The following CEP43 variants were observed in gnomAD, a reference collection of about 807,000 sequenced individuals.
CEP43 encodes the protein centrosomal protein 43, also known as FGFR1 oncogene partner.
A neutral mutation model predicts 52.6 loss-of-function variants in CEP43; 36 were observed. The observed-to-expected ratio is 0.68, with a 90% CI of 0.52 to 0.90. The LOEUF is 0.90. CEP43 is among the 40% of genes least tolerant of loss of function. The pLI, the probability that CEP43 is intolerant of heterozygous loss-of-function variation, is 0.00. For missense variants in CEP43, 506 were observed against 472.8 expected (o/e 1.07, Z -0.65); for synonymous variants, 192 against 172.4 (o/e 1.11, Z -0.89).
Position 167,042,397 on chromosome 6 carries a change from G to T in CEP43, c.*2419G>T. On this transcript the variant is annotated 3_prime_UTR_variant, in exon 13 of 13. Transcript: ENST00000366847. ...ATTGATAACTACAAATGAATAAAAA[G>T]CATTTATTCTCTTTGTTGATATTCG... 2 of 965,444 alleles carry T rather than the reference G, an allele frequency of 2.1e-6. No individual in the cohort carries two copies. The highest frequency in any genetic ancestry group is 2.5e-6 in the Non-Finnish European group (2 of 806,880). 59.8% of individuals were successfully genotyped at this position (965,444 alleles called of 1,614,324 possible). A position where few individuals can be genotyped will look rare whatever the true frequency, so the allele number is the denominator to read the frequency against.
intron 5 of CEP43, among the ~76,000 whole-genome samples, chr6:167,007,689 A>G (rs555252697): frequency 1.4e-3 from 215 of 152,354 alleles, no homozygotes; most frequent in African/African-American, 4.9e-3. Flanking sequence ...AAAACTAGCT[A>G]TAGGTTAAGC....
At chr6:167,034,318 C>T (rs921763572) in intron 12 of CEP43, among the ~76,000 whole-genome samples, 2 of 152,140 alleles carry the variant, frequency 1.3e-5, no homozygotes, top group African/African-American at 4.8e-5. Flanking sequence ...ACTGTGATCA[C>T]AGGAGGAAGC....
chr6:167,010,265 GC>G (rs1213867691), intron 5 of CEP43, among the ~76,000 whole-genome samples: 3 of 152,206 alleles, frequency 2.0e-5, no homozygotes, highest in African/African-American at 7.2e-5. Context: ...AGGGCACTGG[GC>G]AGCAGACACA....
chr6:167,035,467 C>T (rs1780563444), intron 12 of CEP43, among the ~76,000 whole-genome samples: 2 of 152,046 alleles, frequency 1.3e-5, no homozygotes, highest in Admixed American at 1.3e-4. Context: ...AAGGAGATAG[C>T]CCAGTGGAAT....
chr6:167,041,190 G>A lies in CEP43; in HGVS notation c.*1212G>A, dbSNP rs1013536418. On this transcript the variant is annotated 3_prime_UTR_variant, in exon 13 of 13. Transcript: ENST00000366847. ...TTGATCTCGGTTAAGTGAGCAGACTGCATGACTTGTGTAATGCCAGTTTCT... is the reference window on the plus strand; with the variant it reads ...TTGATCTCGGTTAAGTGAGCAGACTACATGACTTGTGTAATGCCAGTTTCT... 4 of 1,047,556 alleles carry A rather than the reference G, an allele frequency of 3.8e-6. No homozygotes were observed. The African/African-American group carries it at 5.0e-5, about 13-fold the overall frequency. 64.9% of individuals were successfully genotyped at this position (1,047,556 alleles called of 1,614,324 possible).
intron 5 of CEP43, among the ~76,000 whole-genome samples, chr6:167,008,624 C>T (rs1779907721): frequency 6.6e-6 from 1 of 152,064 alleles, no homozygotes; most frequent in African/African-American, 2.4e-5. Context: ...GCCACCACCA[C>T]ACCCGGCTAA....
rs550759128 is a variant in CEP43 at position 167,040,916 on chromosome 6, A to G, written c.*938A>G. The G allele has an allele frequency of 9.8e-7, 1 of 1,024,540 alleles. No individual in the cohort carries two copies. Among genetic ancestry groups the G allele is most frequent in the Non-Finnish European group, 1.2e-6 (1 of 852,508 alleles). 63.5% of individuals were successfully genotyped at this position (1,024,540 alleles called of 1,614,324 possible). A position where few individuals can be genotyped will look rare whatever the true frequency, so the allele number is the denominator to read the frequency against. On this transcript the variant is annotated 3_prime_UTR_variant, in exon 13 of 13. Transcript: ENST00000366847. Reference sequence around the variant, plus strand: ...ATTGTAACCCTTAAAAATAGAGCCAATAATAGAATTTCCACAGTCTCATTT... The same window carrying G: ...ATTGTAACCCTTAAAAATAGAGCCAGTAATAGAATTTCCACAGTCTCATTT...
intron 8 of CEP43, among the ~76,000 whole-genome samples, 179 bp downstream of exon 8, chr6:167,022,814 A>G (rs1037701297): frequency 3.3e-5 from 5 of 152,198 alleles, no homozygotes; most frequent in Admixed American, 2.0e-4. Context: ...AGAAAAACCT[A>G]GACATGATTT....
chr6:167,004,662 C>T (rs1335109615), intron 5 of CEP43, among the ~76,000 whole-genome samples: 2 of 56,258 alleles, frequency 3.6e-5, no homozygotes, highest in Non-Finnish European at 7.4e-5. Flanking sequence ...TGGAACAAAT[C>T]CCAACTCCTC....
chr6:167,024,910 T>C lies in CEP43; in HGVS notation c.919+16T>C, dbSNP rs16899801. 23,711 of 1,346,772 alleles carry C rather than the reference T, an allele frequency of 0.018. 363 individuals are homozygous for C. The highest frequency in any genetic ancestry group is 0.075 in the East Asian group (3,264 of 43,368). The allele number at this position is 1,346,772 out of a possible 1,614,324, so 83.4% of individuals were successfully genotyped here. On this transcript the variant is annotated intron_variant, in intron 9 of 12. Transcript: ENST00000366847. ...GACTCTGAGAGTAAGTGCCCAAAGA[T>C]GTGGACTTCAATACTCGGGATATTT...
At chr6:167,015,911 G>A (rs1357250506) in intron 7 of CEP43, among the ~76,000 whole-genome samples, 3 of 151,964 alleles carry the variant, frequency 2.0e-5, no homozygotes, top group Admixed American at 6.6e-5. Context: ...AAAAGATTTG[G>A]TATACAAGGA....
At chr6:166,999,725 C>G (rs1779683425) in intron 1 of CEP43, 1 of 484,232 alleles carries the variant, frequency 2.1e-6, no homozygotes, top group African/African-American at 2.0e-5. Context: ...GCACCGCGGA[C>G]TGGGGGTGCC....
At chr6:167,015,124 GT>G (rs1161510856) in intron 7 of CEP43, among the ~76,000 whole-genome samples, 1 of 152,208 alleles carries the variant, frequency 6.6e-6, no homozygotes, top group East Asian at 1.9e-4. Context: ...AGAGTGTAGT[GT>G]GTGCCCTGAC....
At chr6:167,021,037 C>G (rs1195397039) in intron 7 of CEP43, among the ~76,000 whole-genome samples, 1 of 149,418 alleles carries the variant, frequency 6.7e-6, no homozygotes, top group Non-Finnish European at 1.5e-5. Context: ...TAAGACCAGC[C>G]TGGATGACAT....
Position 167,041,834 on chromosome 6 carries a change from GGGC to G in CEP43, c.*1859_*1861del. ...ACTACATACATCTTTTTTTTGCGGG[GGGC>G]GGGGGGGACAGAGTCTCACTGTGTC... is the stretch of plus-strand genomic sequence containing the variant. On this transcript the variant is annotated 3_prime_UTR_variant, in exon 13 of 13. Coordinates refer to ENST00000366847, the MANE Select transcript of CEP43 (RefSeq NM_007045.4). The G allele has an allele frequency of 3.1e-6, 3 of 966,872 alleles. No individual in the cohort carries two copies. The highest frequency in any genetic ancestry group is 2.5e-6 in the Non-Finnish European group (2 of 805,380). 59.9% of individuals were successfully genotyped at this position (966,872 alleles called of 1,614,324 possible). A position where few individuals can be genotyped will look rare whatever the true frequency, so the allele number is the denominator to read the frequency against.
At chr6:167,014,182 T>C (rs986080428) in intron 7 of CEP43, among the ~76,000 whole-genome samples, 2 of 152,246 alleles carry the variant, frequency 1.3e-5, no homozygotes, top group African/African-American at 4.8e-5. Context: ...GATTTTTATT[T>C]GAGGAAAATA....
intron 10 of CEP43, chr6:167,028,224 C>G: frequency 1.0e-6 from 1 of 985,384 alleles, no homozygotes; most frequent in Non-Finnish European, 1.2e-6. Context: ...CTGCTCTATT[C>G]TCTTACCAAA....
intron 12 of CEP43, chr6:167,035,978 A>C (rs908299393): frequency 1.3e-6 from 1 of 788,436 alleles, no homozygotes. Flanking sequence ...TTAGCAGAAC[A>C]GGCATTCAAT....
rs1318334276 is a variant in CEP43 at position 167,041,820 on chromosome 6, C to CT, written c.*1850dup. On this transcript the variant is annotated 3_prime_UTR_variant, in exon 13 of 13. Transcript: ENST00000366847. ...ACTTTTTTGTCAGCACTACATACATCTTTTTTTTGCGGGGGGCGGGGGGGA... is the reference window on the plus strand; with the variant it reads ...ACTTTTTTGTCAGCACTACATACATCTTTTTTTTTGCGGGGGGCGGGGGGGA... The CT allele has an allele frequency of 3.4e-3, 563 of 166,402 alleles. No individual in the cohort carries two copies. Among genetic ancestry groups the CT allele is most frequent in the Non-Finnish European group, 4.1e-3 (511 of 125,696 alleles). 10.3% of individuals were successfully genotyped at this position (166,402 alleles called of 1,614,324 possible).
Sources: allele counts gnomAD v4.1 joint callset (sites outside exome capture counted in the v4.1 genomes callset), GRCh38; gene constraint gnomAD v4.1.1; transcripts MANE v1.5; gene names NCBI Gene and HGNC (gene_info 2026-07-23, HGNC 2026-07-21).